The following RWDD4 variants were observed in gnomAD, a reference collection of about 807,000 sequenced individuals.
RWDD4 encodes RWD domain-containing protein 4.
In RWDD4, 16 loss-of-function variants were observed where a neutral mutation model predicts 30.0. The ratio of observed to expected loss-of-function variants is 0.53; its 90% confidence interval spans 0.36 to 0.81. RWDD4 has a LOEUF of 0.81. Ranked by LOEUF, RWDD4 falls within the 30% of genes least tolerant of loss-of-function variation. RWDD4 has a pLI of 0.00. For synonymous variants in RWDD4, 45 were observed against 72.1 expected, an observed-to-expected ratio of 0.62 and a Z score of 1.90; for missense variants, 170 against 223.9, an observed-to-expected ratio of 0.76 and a Z score of 1.54.
At chr4:183,651,363 T>C (rs756638178) in intron 2 of RWDD4, 36 bp from the exon 3 acceptor site, 1 of 1,484,218 alleles carries the variant, frequency 6.7e-7, no homozygotes. Context: ...TTGTAAAAGG[T>C]GATAAAAAGA....
chr4:183,650,423 C>G (rs1734051227), intron 4 of RWDD4, among the ~76,000 whole-genome samples: 1 of 152,202 alleles, frequency 6.6e-6, no homozygotes, highest in Admixed American at 6.5e-5. Flanking sequence ...CTAAATTATA[C>G]CGAACCCCTC....
In RWDD4 at chr4:183,641,459, T is replaced by G. The variant is rs1453458124; in HGVS notation, c.544A>C (p.Thr182Pro). The G allele has an allele frequency of 6.2e-7, 1 of 1,608,612 alleles. No individual in the cohort carries two copies. The highest frequency in any genetic ancestry group is 8.5e-7 in the Non-Finnish European group (1 of 1,176,276). Residue 182 changes from threonine to proline, a missense_variant, in exon 8 of 8, where the codon ACT (threonine) becomes CCT (proline). By Grantham distance (38) the Thr-to-Pro change is conservative. Transcript: ENST00000326397. ...WVDVVKHLSKTGSKDDE is the reference protein window; with the variant it reads ...WVDVVKHLSKPGSKDDE ...TGCTACTCATCATCCTTAGAGCCAGTTTTGCTTAACTATAAAAAAAAGAGA... is the reference window on the plus strand; with the variant it reads ...TGCTACTCATCATCCTTAGAGCCAGGTTTGCTTAACTATAAAAAAAAGAGA...
rs1232153576 is a variant in RWDD4, at chr4:183,642,218, C to T, written c.535-750G>A. 2.7e-5 allele frequency among the ~76,000 whole-genome samples: 3 copies of T among 109,468 alleles called. 1 individual carries two copies. The highest frequency in any genetic ancestry group is 1.3e-4 in the African/African-American group (3 of 23,000). The allele number at this position is 109,468 out of a possible 152,430, so 71.8% of individuals were successfully genotyped here. On this transcript the variant is annotated intron_variant, in intron 7 of 7. Coordinates refer to ENST00000326397, the MANE Select transcript of RWDD4 (RefSeq NM_152682.4). ...TTTTTTTTTTTTTTTGAGACAGAGT[C>T]TCGCTCTGTCGCCCAGGCTGGAGTG...
chr4:183,652,234 A>G (rs1002335584), intron 2 of RWDD4, among the ~76,000 whole-genome samples: 3 of 152,228 alleles, frequency 2.0e-5, no homozygotes, highest in African/African-American at 7.2e-5. Flanking sequence ...TCATATCTAA[A>G]GTGTCCTTTA....
chr4:183,652,047 C>A (rs1453137092), intron 2 of RWDD4, among the ~76,000 whole-genome samples: 1 of 152,120 alleles, frequency 6.6e-6, no homozygotes, highest in East Asian at 1.9e-4. Flanking sequence ...TGATTTTTTT[C>A]CCCTTTGGTT....
intron 4 of RWDD4, among the ~76,000 whole-genome samples, chr4:183,649,812 T>C (rs151210598): frequency 6.6e-6 from 1 of 152,368 alleles, no homozygotes; most frequent in Non-Finnish European, 1.5e-5. Context: ...GGAAGGAAGA[T>C]CTGATTATCA....
At chr4:183,643,366 A>C (rs1048559944) in intron 7 of RWDD4, among the ~76,000 whole-genome samples, 4 of 128,986 alleles carry the variant, frequency 3.1e-5, no homozygotes, top group Non-Finnish European at 6.3e-5. Context: ...CACTGACCTG[A>C]AATTGCGCCA....
At chr4:183,656,970 G>A (rs1734206928) in intron 1 of RWDD4, among the ~76,000 whole-genome samples, 1 of 152,238 alleles carries the variant, frequency 6.6e-6, no homozygotes, top group Non-Finnish European at 1.5e-5. Context: ...AGGTTGCAGT[G>A]AGCCGAGATC....
chr4:183,650,435 A>G (rs1042226887), intron 4 of RWDD4, among the ~76,000 whole-genome samples: 8 of 152,226 alleles, frequency 5.3e-5, no homozygotes, highest in African/African-American at 1.9e-4. Context: ...GAACCCCTCA[A>G]AGTCTTTTAG....
At position 183,642,382 on chromosome 4, in the gene RWDD4, G is replaced by A. The variant is rs555246773; in HGVS notation, c.535-914C>T. On this transcript the variant is annotated intron_variant, in intron 7 of 7. Transcript: ENST00000326397. ...TTTTTTGTATTTTTAGTAGAGACGG[G>A]GTTTCACCGTGTTAGCCAGGATGGT... is the stretch of plus-strand genomic sequence containing the variant. 1.8e-4 allele frequency among the ~76,000 whole-genome samples: 16 copies of A among 86,890 alleles called. 8 individuals are homozygous for A. Among genetic ancestry groups the A allele is most frequent in the African/African-American group, 9.0e-4 (12 of 13,402 alleles). 57.0% of individuals were successfully genotyped at this position (86,890 alleles called of 152,430 possible).
intron 2 of RWDD4, among the ~76,000 whole-genome samples, chr4:183,653,063 G>C (rs1049884611): frequency 1.3e-5 from 2 of 152,114 alleles, no homozygotes; most frequent in African/African-American, 4.8e-5. Context: ...ATACAGGCTA[G>C]TTTTCTTGTA....
At chr4:183,654,924 C>A (rs1448045742) in intron 2 of RWDD4, among the ~76,000 whole-genome samples, 1 of 151,952 alleles carries the variant, frequency 6.6e-6, no homozygotes, top group African/African-American at 2.4e-5. Context: ...CCCCATTCCG[C>A]TACTTATAAT....
chr4:183,658,072 A>G (rs1734247284), intron 1 of RWDD4, among the ~76,000 whole-genome samples: 1 of 152,262 alleles, frequency 6.6e-6, no homozygotes, highest in Admixed American at 6.5e-5. Flanking sequence ...ATATTTTAGA[A>G]GAGATTCAGA....
intron 7 of RWDD4, among the ~76,000 whole-genome samples, chr4:183,643,178 G>A (rs1733898224): frequency 1.4e-5 from 2 of 146,910 alleles, no homozygotes; most frequent in Non-Finnish European, 1.5e-5. Flanking sequence ...TGTAATCCCA[G>A]CACTTTGGGA....
chr4:183,648,026 C>T (rs762320261), intron 5 of RWDD4, among the ~76,000 whole-genome samples: 64 of 152,028 alleles, frequency 4.2e-4, no homozygotes, highest in Admixed American at 1.8e-3. Context: ...TGGCAGATCA[C>T]GAGGTCAAGA....
intron 2 of RWDD4, among the ~76,000 whole-genome samples, chr4:183,655,303 A>ATTTT (rs376578650): frequency 3.6e-4 from 53 of 147,040 alleles, no homozygotes; most frequent in African/African-American, 1.2e-3. Context: ...TACTGTTACT[A>ATTTT]TTTTTTTTTT....
chr4:183,643,415 C>CAAAAAAAA (rs56730708), intron 7 of RWDD4, among the ~76,000 whole-genome samples: 470 of 22,668 alleles, frequency 0.021, 116 homozygotes, highest in Admixed American at 0.024. Context: ...GACTCTATCT[C>CAAAAAAAA]AAAAAAAAAA....
intron 1 of RWDD4, 174 bp from the exon 2 acceptor site, chr4:183,656,135 T>C: frequency 1.9e-6 from 1 of 534,140 alleles, no homozygotes; most frequent in East Asian, 2.9e-5. Flanking sequence ...TTACTACCAA[T>C]GATACTTACT....
intron 7 of RWDD4, among the ~76,000 whole-genome samples, chr4:183,643,682 C>T (rs1467514018): frequency 5.3e-5 from 8 of 151,546 alleles, no homozygotes; most frequent in Non-Finnish European, 1.0e-4. Context: ...TTTGGGAGGC[C>T]AAGGCGGGTG....
Sources: allele counts gnomAD v4.1 joint callset (sites outside exome capture counted in the v4.1 genomes callset), GRCh38; gene constraint gnomAD v4.1.1; transcripts MANE v1.5; gene names NCBI Gene and HGNC (gene_info 2026-07-23, HGNC 2026-07-21).